PACRG: variants seen among roughly 807,000 people sequenced by gnomAD.
PACRG encodes the protein parkin coregulated gene protein.
Under a neutral mutation model 29.7 loss-of-function variants are expected in PACRG, and 29 were observed. The ratio of observed to expected loss-of-function variants is 0.98; its 90% CI spans 0.73 to 1.33. The LOEUF (loss-of-function observed/expected upper bound fraction) is 1.33. PACRG is among the 40% of genes most tolerant of loss of function. The pLI is 0.00. For synonymous variants in PACRG, 116 were observed against 118.7 expected (o/e 0.98, Z 0.15); for missense variants, 279 against 316.2 (o/e 0.88, Z 0.89).
chr6:163,083,714 G>A lies in PACRG; in HGVS notation c.464-5545G>A, dbSNP rs571405798. On this transcript the variant is annotated intron_variant, in intron 3 of 4. Coordinates refer to ENST00000366888, the MANE Select transcript of PACRG (RefSeq NM_001080379.2). ...AATTGGAAGATTCAGTCCTTTATTGGGTTGTGATAGCTATTTGTATGTTAA... is the reference window on the plus strand; with the variant it reads ...AATTGGAAGATTCAGTCCTTTATTGAGTTGTGATAGCTATTTGTATGTTAA... Among the ~76,000 whole-genome samples, 93 of 152,100 alleles carry A rather than the reference G, an allele frequency of 6.1e-4. No individual in the cohort carries two copies. The South Asian group carries it at 0.019, about 31-fold the overall frequency.
intron 2 of PACRG, among the ~76,000 whole-genome samples, chr6:162,932,326 G>A (rs1253905850): frequency 2.6e-5 from 4 of 151,988 alleles, no homozygotes; most frequent in Non-Finnish European, 5.9e-5. Context: ...TGAAGTGATA[G>A]TGTTTCATGG....
chr6:163,227,020 C>A (rs944192251), intron 4 of PACRG, among the ~76,000 whole-genome samples: 4 of 152,124 alleles, frequency 2.6e-5, no homozygotes, highest in Non-Finnish European at 4.4e-5. Flanking sequence ...TAATGGTAAA[C>A]CACATAAGAT....
At chr6:163,037,883 C>T (rs1039208287) in intron 2 of PACRG, among the ~76,000 whole-genome samples, 1 of 152,200 alleles carries the variant, frequency 6.6e-6, no homozygotes, top group Non-Finnish European at 1.5e-5. Context: ...CCTACTCCAA[C>T]TAGGAAGACA....
At chr6:163,100,858 A>G (rs1585213655) in intron 4 of PACRG, 1 of 983,690 alleles carries the variant, frequency 1.0e-6, no homozygotes, top group Non-Finnish European at 1.2e-6. Flanking sequence ...TGCAAATATT[A>G]TTGATATTTT....
intron 2 of PACRG, among the ~76,000 whole-genome samples, chr6:162,883,934 CTTTTG>C (rs1321991870): frequency 1.3e-5 from 2 of 151,924 alleles, no homozygotes; most frequent in Non-Finnish European, 2.9e-5. Flanking sequence ...ACATATTTAA[CTTTTG>C]TTTTGTTTCG....
intron 1 of PACRG, among the ~76,000 whole-genome samples, chr6:162,754,331 A>G (rs1489064825): frequency 6.6e-6 from 1 of 151,820 alleles, no homozygotes; most frequent in Non-Finnish European, 1.5e-5. Context: ...TAATCAGGTT[A>G]TTTGTTTTCT....
At chr6:162,883,636 G>A (rs1794084033) in intron 2 of PACRG, among the ~76,000 whole-genome samples, 2 of 151,796 alleles carry the variant, frequency 1.3e-5, no homozygotes, top group Non-Finnish European at 2.9e-5. Flanking sequence ...ATATTCAGCA[G>A]GAGCAAACAT....
intron 2 of PACRG, among the ~76,000 whole-genome samples, chr6:162,897,634 C>G (rs1795265751): frequency 6.6e-6 from 1 of 152,220 alleles, no homozygotes; most frequent in Non-Finnish European, 1.5e-5. Context: ...TGGTTGCCAT[C>G]TTGGTAACGT....
intron 2 of PACRG, among the ~76,000 whole-genome samples, chr6:163,021,508 T>C (rs1215013357): frequency 6.6e-6 from 1 of 152,186 alleles, no homozygotes; most frequent in African/African-American, 2.4e-5. Flanking sequence ...GGGCAGGAGA[T>C]GTTTGTCTCG....
intron 2 of PACRG, among the ~76,000 whole-genome samples, chr6:162,896,924 C>T (rs1428922259): frequency 1.3e-5 from 2 of 152,166 alleles, no homozygotes; most frequent in Non-Finnish European, 2.9e-5. Context: ...GGTTATTAGA[C>T]AACTTAATTA....
chr6:163,067,972 C>T (rs911580354), intron 3 of PACRG, among the ~76,000 whole-genome samples: 2 of 152,118 alleles, frequency 1.3e-5, no homozygotes, highest in Non-Finnish European at 1.5e-5. Context: ...ATATTATTTT[C>T]AAAATGTTCA....
At chr6:162,763,379 T>C (rs1782532376) in intron 1 of PACRG, among the ~76,000 whole-genome samples, 1 of 152,234 alleles carries the variant, frequency 6.6e-6, no homozygotes, top group South Asian at 2.1e-4. Flanking sequence ...AAGGCTCTGA[T>C]ATAAAACCTA....
At chr6:162,791,813 G>A (rs1784972878) in intron 1 of PACRG, among the ~76,000 whole-genome samples, 2 of 152,230 alleles carry the variant, frequency 1.3e-5, no homozygotes, top group South Asian at 2.1e-4. Context: ...GTCATGGAAC[G>A]CTTTAGAAGG....
chr6:162,739,713 G>A (rs1400791026), intron 1 of PACRG, among the ~76,000 whole-genome samples: 2 of 151,924 alleles, frequency 1.3e-5, no homozygotes, highest in East Asian at 3.9e-4. Flanking sequence ...GTGGTGGCAG[G>A]TGTCTGTAGT....
intron 4 of PACRG, among the ~76,000 whole-genome samples, chr6:163,178,205 TG>T (rs527914549): frequency 8.5e-5 from 13 of 152,164 alleles, no homozygotes; most frequent in Non-Finnish European, 1.5e-4. Context: ...AGGCAGGGTC[TG>T]GGAATGCTCA....
At chr6:163,187,500 G>T in intron 4 of PACRG, among the ~76,000 whole-genome samples, 1 of 152,116 alleles carries the variant, frequency 6.6e-6, no homozygotes, top group East Asian at 1.9e-4. Flanking sequence ...TTCCACCCCA[G>T]ACTTCATCAT....
chr6:162,793,072 C>T (rs933959752), intron 1 of PACRG, among the ~76,000 whole-genome samples: 2 of 152,068 alleles, frequency 1.3e-5, no homozygotes, highest in Non-Finnish European at 2.9e-5. Context: ...CCTCCTGGCA[C>T]GAGAGCTCCC....
intron 1 of PACRG, among the ~76,000 whole-genome samples, chr6:162,795,382 A>G (rs929423234): frequency 2.0e-5 from 3 of 152,116 alleles, no homozygotes; most frequent in Admixed American, 6.6e-5. Flanking sequence ...ATTTTATTCT[A>G]CCTGGATGGC....
intron 3 of PACRG, among the ~76,000 whole-genome samples, chr6:163,075,695 A>G (rs950426616): frequency 6.6e-6 from 1 of 152,262 alleles, no homozygotes; most frequent in Non-Finnish European, 1.5e-5. Context: ...TTTAACATTC[A>G]TTCATGTATT....
Sources: gnomAD v4.1 joint callset for allele counts (sites outside exome capture counted in the v4.1 genomes callset) on GRCh38, gnomAD v4.1.1 for gene constraint, MANE v1.5 for transcripts, NCBI Gene and HGNC (gene_info 2026-07-23, HGNC 2026-07-21) for gene names.